TENM3: variants seen among roughly 807,000 people sequenced by gnomAD.
TENM3 encodes the protein teneurin-3.
A neutral mutation model predicts 255.1 loss-of-function variants in TENM3; 63 were observed. That is an observed-to-expected ratio of 0.25 (90% confidence interval 0.20 to 0.30). The LOEUF is 0.30. Ranked by LOEUF, TENM3 falls within the 10% of genes least tolerant of loss-of-function variation. The pLI is 1.00. For missense variants in TENM3, 2,929 were observed against 3,461.1 expected, an observed-to-expected ratio of 0.85 and a Z score of 3.86; for synonymous variants, 1,306 against 1,322.3, an observed-to-expected ratio of 0.99 and a Z score of 0.27.
At chr4:182,777,547 C>CTTTTTTTTTTTTTTTTTT (rs1157448732) in intron 24 of TENM3, among the ~76,000 whole-genome samples, 1 of 45,440 alleles carries the variant, frequency 2.2e-5, no homozygotes, top group Non-Finnish European at 4.0e-5. Flanking sequence ...GTGTGTATTT[C>CTTTTTTTTTTTTTTTTTT]TTTTTTTTTT....
At chr4:181,828,505 A>C in the TENM3 span, among the ~76,000 whole-genome samples, 2 of 152,238 alleles carry the variant, frequency 1.3e-5, no homozygotes, top group Non-Finnish European at 2.9e-5. Context: ...TAAGGCTCAA[A>C]GAGTTCATGT....
chr4:181,713,938 C>A, the TENM3 span, among the ~76,000 whole-genome samples: 1 of 152,150 alleles, frequency 6.6e-6, no homozygotes, highest in Non-Finnish European at 1.5e-5. Flanking sequence ...AAATAAGTTT[C>A]ACAGGTTAAG....
the TENM3 span, among the ~76,000 whole-genome samples, chr4:182,009,527 G>T: frequency 6.6e-6 from 1 of 152,188 alleles, no homozygotes; most frequent in Non-Finnish European, 1.5e-5. Context: ...CAGCCCGTGC[G>T]TTGGGCTGTG....
Position 182,800,039 on chromosome 4 carries a change from G to A in TENM3, c.7788G>A (p.Val2596=), listed in dbSNP as rs368823133. Residue 2596 remains valine, a synonymous_variant, in exon 28 of 28, where the codon GTG becomes GTA. Transcript: ENST00000511685. ...GCAGGACGCGCAGGTTCGCGGACGT[G>A]GAGATGCAGTTCGGCGCGCTGGCGC... ...VNGRTRRFAD[V]EMQFGALALH... The A allele has an allele frequency of 6.2e-7, 1 of 1,600,420 alleles. No individual in the cohort carries two copies. The highest frequency in any genetic ancestry group is 8.5e-7 in the Non-Finnish European group (1 of 1,174,560).
intron 16 of TENM3, among the ~76,000 whole-genome samples, chr4:182,731,493 C>G (rs370758019): frequency 1.3e-5 from 2 of 151,922 alleles, no homozygotes; most frequent in East Asian, 1.9e-4. Context: ...CTGGGTGACA[C>G]AGTGAGACCC....
intron 3 of TENM3, among the ~76,000 whole-genome samples, chr4:182,405,193 A>G (rs192173942): frequency 6.6e-6 from 1 of 152,168 alleles, no homozygotes; most frequent in South Asian, 2.1e-4. Flanking sequence ...CTGGCCTCCC[A>G]TGAGGGAAAA....
the TENM3 span, among the ~76,000 whole-genome samples, chr4:181,960,962 G>T: frequency 4.0e-4 from 61 of 152,082 alleles, no homozygotes; most frequent in Non-Finnish European, 7.1e-4. Context: ...GATTGCTAAT[G>T]GTAACCCTGC....
chr4:182,247,812 A>C (rs1757751535), intron 1 of TENM3, among the ~76,000 whole-genome samples: 1 of 152,168 alleles, frequency 6.6e-6, no homozygotes, highest in Admixed American at 6.5e-5. Context: ...ACAAAATTTT[A>C]TTGGGAAAAA....
the TENM3 span, among the ~76,000 whole-genome samples, chr4:182,067,275 G>A: frequency 1.3e-5 from 2 of 152,072 alleles, no homozygotes; most frequent in African/African-American, 4.8e-5. Context: ...TGACATCTAT[G>A]GCAGGGACAC....
chr4:181,553,754 T>G, the TENM3 span, among the ~76,000 whole-genome samples: 7 of 152,098 alleles, frequency 4.6e-5, no homozygotes, highest in African/African-American at 1.7e-4. Flanking sequence ...AGAAGGGTCT[T>G]TATTCCCATG....
At chr4:182,020,487 C>T in the TENM3 span, among the ~76,000 whole-genome samples, 2 of 152,038 alleles carry the variant, frequency 1.3e-5, no homozygotes, top group African/African-American at 4.8e-5. Context: ...TGCTCTATAG[C>T]TCTGTAGGAT....
chr4:182,320,279 G>A (rs1762972789), intron 1 of TENM3, among the ~76,000 whole-genome samples: 1 of 152,218 alleles, frequency 6.6e-6, no homozygotes, highest in Non-Finnish European at 1.5e-5. Flanking sequence ...AACCCTGGTG[G>A]CTTAGAACAA....
At chr4:181,605,578 A>AGAG in the TENM3 span, among the ~76,000 whole-genome samples, 3 of 28,076 alleles carry the variant, frequency 1.1e-4, no homozygotes, top group East Asian at 1.2e-3. Context: ...AAGAGAGAGA[A>AGAG]AGAAAGGAAA....
the TENM3 span, among the ~76,000 whole-genome samples, chr4:181,588,808 G>A: frequency 7.5e-4 from 114 of 152,206 alleles, no homozygotes; most frequent in African/African-American, 2.6e-3. Context: ...TGTCTGTAGG[G>A]TATTATTCAG....
At chr4:182,752,942 ATTTTT>A (rs750171665) in intron 20 of TENM3, among the ~76,000 whole-genome samples, 9 of 121,724 alleles carry the variant, frequency 7.4e-5, no homozygotes, top group Non-Finnish European at 1.4e-4. Context: ...TCCTTACTGA[ATTTTT>A]TTTTTTTTTT....
chr4:182,319,918 GC>G (rs1426320070), intron 1 of TENM3, among the ~76,000 whole-genome samples: 2 of 152,168 alleles, frequency 1.3e-5, no homozygotes, highest in Non-Finnish European at 2.9e-5. Context: ...TTTGAGACAA[GC>G]CTTGCCAACA....
rs1440841534 is a variant in TENM3, at chr4:182,755,041, C to T, written c.4674C>T (p.Asp1558=). The change falls in exon 22 of 28, where the codon GAC becomes GAT. Residue 1558 remains aspartate (D), a synonymous_variant. Coordinates refer to ENST00000511685, the MANE Select transcript of TENM3 (RefSeq NM_001080477.4). The stretch of plus-strand genomic sequence containing the variant: ...ACAATGATATTACTGCTGTGACAGA[C>T]AGCAATGGCAACACCCTTAGAATTA... ...SNDNDITAVT[D]SNGNTLRIRR... is the part of the protein sequence containing the mutation. 3 of 1,613,920 alleles carry T rather than the reference C, an allele frequency of 1.9e-6. No individual in the cohort carries two copies. The highest frequency in any genetic ancestry group is 2.5e-6 in the Non-Finnish European group (3 of 1,179,896).
At chr4:181,809,056 G>A in the TENM3 span, among the ~76,000 whole-genome samples, 1 of 152,230 alleles carries the variant, frequency 6.6e-6, no homozygotes, top group African/African-American at 2.4e-5. Flanking sequence ...TACTGTTGAT[G>A]TGGCTGATAA....
At chr4:181,894,872 A>G in the TENM3 span, among the ~76,000 whole-genome samples, 1 of 152,166 alleles carries the variant, frequency 6.6e-6, no homozygotes, top group Non-Finnish European at 1.5e-5. Flanking sequence ...TAATGCATGC[A>G]TATTTATGCA....
Sources: allele counts gnomAD v4.1 joint callset (sites outside exome capture counted in the v4.1 genomes callset), GRCh38; gene constraint gnomAD v4.1.1; transcripts MANE v1.5; gene names NCBI Gene and HGNC (gene_info 2026-07-23, HGNC 2026-07-21).